Variants in RGL1 observed in about 807,000 individuals in gnomAD.
RGL1 encodes ral guanine nucleotide dissociation stimulator-like 1.
A neutral mutation model predicts 95.2 loss-of-function variants in RGL1; 24 were observed. The observed-to-expected ratio is 0.25, with a 90% CI of 0.18 to 0.35. RGL1 has a LOEUF of 0.35. Among genes scored for constraint, RGL1 ranks in the 10% least tolerant of loss-of-function variants. The probability of loss-of-function intolerance (pLI) is 1.00; values close to 1 mark genes in which losing one functional copy is unlikely to be tolerated. For synonymous variants in RGL1, 329 were observed against 344.9 expected (o/e 0.95, Z 0.51); for missense variants, 715 against 936.3 (o/e 0.76, Z 3.08).
chr1:183,667,114 C>G (rs1008152070), intron 1 of RGL1, among the ~76,000 whole-genome samples: 1 of 152,180 alleles, frequency 6.6e-6, no homozygotes, highest in Admixed American at 6.5e-5. Context: ...TTATTCTTGA[C>G]AACTGTCTTT....
chr1:183,826,737 C>T (rs529906408), intron 2 of RGL1, among the ~76,000 whole-genome samples: 7 of 152,106 alleles, frequency 4.6e-5, no homozygotes, highest in African/African-American at 9.7e-5. Flanking sequence ...AACTGTGCTC[C>T]GGATGTTCTG....
At chr1:183,773,331 A>G (rs1281391305) in intron 2 of RGL1, among the ~76,000 whole-genome samples, 1 of 152,190 alleles carries the variant, frequency 6.6e-6, no homozygotes, top group African/African-American at 2.4e-5. Flanking sequence ...CTTCTAACAC[A>G]AGGAACTGCA....
intron 2 of RGL1, among the ~76,000 whole-genome samples, chr1:183,783,001 G>T (rs1926832): frequency 1.3e-5 from 2 of 152,110 alleles, no homozygotes; most frequent in African/African-American, 4.8e-5. Flanking sequence ...CACTGGTACT[G>T]AATTTCTAAA....
chr1:183,775,618 T>C (rs1659550925), intron 2 of RGL1, among the ~76,000 whole-genome samples: 1 of 152,256 alleles, frequency 6.6e-6, no homozygotes, highest in South Asian at 2.1e-4. Flanking sequence ...TTACTGGCTA[T>C]ATTACCTTGG....
At chr1:183,643,363 C>A (rs1265963237) in intron 1 of RGL1, among the ~76,000 whole-genome samples, 1 of 151,914 alleles carries the variant, frequency 6.6e-6, no homozygotes, top group Non-Finnish European at 1.5e-5. Context: ...GCAATCTCGG[C>A]TCACTGCAAC....
At chr1:183,681,823 T>C (rs976052310) in intron 1 of RGL1, among the ~76,000 whole-genome samples, 7 of 152,360 alleles carry the variant, frequency 4.6e-5, no homozygotes, top group African/African-American at 1.4e-4. Context: ...TTTTGGTTGG[T>C]AGACTATTAA....
At chr1:183,744,784 T>G (rs1172093894) in intron 2 of RGL1, among the ~76,000 whole-genome samples, 22 of 152,160 alleles carry the variant, frequency 1.4e-4, no homozygotes, top group Admixed American at 1.4e-3. Flanking sequence ...ATAGTCAAAT[T>G]TATTTCTTCA....
At chr1:183,699,124 G>C (rs927393309) in intron 1 of RGL1, among the ~76,000 whole-genome samples, 2 of 152,242 alleles carry the variant, frequency 1.3e-5, no homozygotes, top group Non-Finnish European at 2.9e-5. Context: ...CAATATTTCA[G>C]AGGCAGGGAA....
chr1:183,802,685 A>G (rs551658237), upstream of RGL1, among the ~76,000 whole-genome samples: 2 of 152,134 alleles, frequency 1.3e-5, no homozygotes, highest in African/African-American at 2.4e-5. Context: ...GTTTCTATAT[A>G]CTAACAACAA....
rs1157857351 is a variant in RGL1 at position 183,888,520 on chromosome 1, C to T, written c.998C>T (p.Ser333Leu). The change falls in exon 8 of 18, where the codon TCG becomes TTG. Residue 333 changes from serine to leucine, a missense_variant. Physicochemically the swap from Ser to Leu is moderately radical, Grantham distance 145. Around this residue, in one of 3 missense-constraint regions of RGL1, gnomAD observed 381 missense variants for 484.8 expected, o/e 0.79. Coordinates refer to ENST00000360851, the MANE Select transcript of RGL1 (RefSeq NM_001297671.3). ...TTTTCCTCCTTGAGGGCCATCGTTT[C>T]GGCACTGCAGTCTAATTCCATCTAT... ...KNFSSLRAIV[S>L]ALQSNSIYRL... 4 of 1,613,376 alleles carry T rather than the reference C, an allele frequency of 2.5e-6. No homozygotes were observed. Among genetic ancestry groups the T allele is most frequent in the Non-Finnish European group, 3.4e-6 (4 of 1,179,414 alleles).
chr1:183,751,585 ACCACTAGG>A (rs1456956504), intron 2 of RGL1, among the ~76,000 whole-genome samples: 7 of 151,868 alleles, frequency 4.6e-5, no homozygotes, highest in Non-Finnish European at 8.8e-5. Flanking sequence ...GGTTCCAGGC[ACCACTAGG>A]GTATGAAAAA....
intron 2 of RGL1, among the ~76,000 whole-genome samples, chr1:183,840,853 C>G (rs1381431100): frequency 3.9e-5 from 6 of 152,148 alleles, no homozygotes; most frequent in Non-Finnish European, 2.9e-5. Context: ...GATTGCACCA[C>G]TGTACTGCGG....
At position 183,880,628 on chromosome 1, in the gene RGL1, C is replaced by T; in HGVS notation, c.438C>T (p.Ser146=). ...TTGTCTTTCTCAGTGCAATCGCTTC[C>T]ATACTAAGGGCCTGGCTTGACCAGT... ...SKMVIRNAIA[S]ILRAWLDQCA... is the part of the protein sequence containing the mutation. Residue 146 remains serine (S), a synonymous_variant, in exon 5 of 18, where the codon TCC becomes TCT. Transcript: ENST00000360851. 1 of 1,613,690 alleles carries T rather than the reference C, an allele frequency of 6.2e-7. No homozygotes were observed. The highest frequency in any genetic ancestry group is 8.5e-7 in the Non-Finnish European group (1 of 1,179,776).
At chr1:183,761,440 A>G (rs1658661643) in intron 2 of RGL1, among the ~76,000 whole-genome samples, 1 of 152,222 alleles carries the variant, frequency 6.6e-6, no homozygotes, top group Non-Finnish European at 1.5e-5. Context: ...TTTGAAAGGA[A>G]TATCTTTTTT....
intron 1 of RGL1, among the ~76,000 whole-genome samples, chr1:183,660,677 G>A (rs1395364839): frequency 6.6e-6 from 1 of 151,548 alleles, no homozygotes; most frequent in East Asian, 1.9e-4. Context: ...AGGATACCCA[G>A]GAATTGAACT....
intron 5 of RGL1, among the ~76,000 whole-genome samples, chr1:183,882,248 A>C (rs1434173125): frequency 6.6e-6 from 1 of 152,248 alleles, no homozygotes; most frequent in Non-Finnish European, 1.5e-5. Context: ...TGTAATCTTC[A>C]TGCACAGCAA....
chr1:183,868,226 A>C (rs1389334094), intron 4 of RGL1, among the ~76,000 whole-genome samples: 1 of 152,228 alleles, frequency 6.6e-6, no homozygotes, highest in East Asian at 1.9e-4. Flanking sequence ...TGGCTGCTTC[A>C]TAGAGTACAT....
chr1:183,699,793 G>A (rs548947310), intron 1 of RGL1, among the ~76,000 whole-genome samples: 2 of 152,094 alleles, frequency 1.3e-5, no homozygotes, highest in Non-Finnish European at 2.9e-5. Flanking sequence ...CTTGGTTCTT[G>A]TTTACCCACC....
chr1:183,779,672 CA>C (rs1659795996), intron 2 of RGL1, among the ~76,000 whole-genome samples: 1 of 152,080 alleles, frequency 6.6e-6, no homozygotes, highest in African/African-American at 2.4e-5. Context: ...AATTCTGGGT[CA>C]AGGTGAGTGT....
Sources: allele counts gnomAD v4.1 joint callset (sites outside exome capture counted in the v4.1 genomes callset), GRCh38; gene constraint gnomAD v4.1.1; regional missense constraint gnomAD v4.1.1; transcripts MANE v1.5; gene names NCBI Gene and HGNC (gene_info 2026-07-23, HGNC 2026-07-21).